Variants in HS3ST4 observed in about 807,000 individuals in gnomAD.
HS3ST4 encodes the protein heparan sulfate glucosamine 3-O-sulfotransferase 4.
In HS3ST4, 17 loss-of-function variants were observed where a neutral mutation model predicts 29.2. That is an observed-to-expected ratio of 0.58 (90% CI 0.40 to 0.87). The LOEUF is 0.87. Ranked by LOEUF, HS3ST4 falls within the 40% of genes least tolerant of loss-of-function variation. The probability of loss-of-function intolerance (pLI) is 0.00; values close to 1 mark genes in which losing one functional copy is unlikely to be tolerated. For missense variants in HS3ST4, 627 were observed against 634.5 expected, an observed-to-expected ratio of 0.99 and a Z score of 0.13; for synonymous variants, 314 against 285.7, an observed-to-expected ratio of 1.10 and a Z score of -1.00.
At chr16:25,903,318 A>ATTATATACATATGTATATGTATATG (rs1968139135) in intron 1 of HS3ST4, among the ~76,000 whole-genome samples, 10 of 112,700 alleles carry the variant, frequency 8.9e-5, no homozygotes, top group Non-Finnish European at 1.5e-4. Flanking sequence ...ATATGTATAT[A>ATTATATACATATGTATATGTATATG]TTATATATAT....
intron 1 of HS3ST4, among the ~76,000 whole-genome samples, chr16:25,757,902 A>G (rs1002503395): frequency 1.3e-5 from 2 of 152,100 alleles, no homozygotes; most frequent in African/African-American, 4.8e-5. Flanking sequence ...GTAAACATTT[A>G]GAATTTATGT....
chr16:25,720,965 C>T (rs986541458), intron 1 of HS3ST4, among the ~76,000 whole-genome samples: 2 of 152,196 alleles, frequency 1.3e-5, no homozygotes, highest in African/African-American at 4.8e-5. Context: ...GAGTCATCTT[C>T]TAGAGCTGGG....
chr16:25,919,732 T>C (rs1426196416), intron 1 of HS3ST4, among the ~76,000 whole-genome samples: 1 of 152,112 alleles, frequency 6.6e-6, no homozygotes, highest in Admixed American at 6.6e-5. Context: ...CAAGATAGTG[T>C]TTAAAAAGAA....
intron 1 of HS3ST4, among the ~76,000 whole-genome samples, chr16:26,135,197 C>T (rs1402418416): frequency 5.9e-5 from 9 of 152,260 alleles, no homozygotes; most frequent in African/African-American, 2.2e-4. Flanking sequence ...TTATTGAACT[C>T]TTACACATGC....
At chr16:26,134,065 G>A (rs1898246168) in intron 1 of HS3ST4, among the ~76,000 whole-genome samples, 1 of 152,108 alleles carries the variant, frequency 6.6e-6, no homozygotes, top group Non-Finnish European at 1.5e-5. Context: ...ATTGAGATTA[G>A]GGGAAAATGG....
At chr16:25,904,676 G>T (rs949291707) in intron 1 of HS3ST4, among the ~76,000 whole-genome samples, 1 of 152,088 alleles carries the variant, frequency 6.6e-6, no homozygotes, top group Non-Finnish European at 1.5e-5. Flanking sequence ...TCAAGAGAAA[G>T]AATTTTGAGA....
intron 1 of HS3ST4, among the ~76,000 whole-genome samples, chr16:25,908,439 T>G (rs573833732): frequency 6.6e-6 from 1 of 152,196 alleles, no homozygotes; most frequent in African/African-American, 2.4e-5. Context: ...CAAGTCATGA[T>G]TGAACATCTG....
At chr16:25,846,683 A>G (rs1294285687) in intron 1 of HS3ST4, among the ~76,000 whole-genome samples, 3 of 152,128 alleles carry the variant, frequency 2.0e-5, no homozygotes, top group Non-Finnish European at 4.4e-5. Flanking sequence ...TCTTTCTATA[A>G]CAGAAAATTA....
At chr16:25,738,629 G>A (rs1348812236) in intron 1 of HS3ST4, among the ~76,000 whole-genome samples, 1 of 152,184 alleles carries the variant, frequency 6.6e-6, no homozygotes, top group Non-Finnish European at 1.5e-5. Context: ...TCAAGTGACA[G>A]TAGCATCCCT....
intron 1 of HS3ST4, among the ~76,000 whole-genome samples, chr16:25,741,394 G>C (rs1021094628): frequency 7.8e-5 from 10 of 127,996 alleles, no homozygotes; most frequent in East Asian, 5.3e-4. Flanking sequence ...AAAAAAAGGC[G>C]GGGGGAGGAG....
chr16:26,011,828 G>C (rs549928793), intron 1 of HS3ST4, among the ~76,000 whole-genome samples: 1 of 151,954 alleles, frequency 6.6e-6, no homozygotes, highest in East Asian at 1.9e-4. Context: ...TAATCTATTA[G>C]GAATACTAGG....
intron 1 of HS3ST4, among the ~76,000 whole-genome samples, chr16:25,913,933 A>ATG (rs937337921): frequency 2.0e-5 from 3 of 149,528 alleles, no homozygotes; most frequent in Non-Finnish European, 4.5e-5. Context: ...GGGAGAGGCT[A>ATG]TGTGTGTGTG....
At chr16:25,846,587 A>C (rs987906612) in intron 1 of HS3ST4, among the ~76,000 whole-genome samples, 1 of 151,772 alleles carries the variant, frequency 6.6e-6, no homozygotes, top group African/African-American at 2.4e-5. Flanking sequence ...TCAATATCTT[A>C]AGTTTGTAGT....
At chr16:25,857,907 C>CCTTTCTTT (rs1469063217) in intron 1 of HS3ST4, among the ~76,000 whole-genome samples, 1 of 55,964 alleles carries the variant, frequency 1.8e-5, no homozygotes, top group Non-Finnish European at 3.7e-5. Flanking sequence ...TTTCTTCCTT[C>CCTTTCTTT]CTTCCTTCCT....
intron 1 of HS3ST4, among the ~76,000 whole-genome samples, chr16:25,837,386 A>G (rs1967367289): frequency 6.6e-6 from 1 of 152,232 alleles, no homozygotes; most frequent in African/African-American, 2.4e-5. Flanking sequence ...AATATGTGAA[A>G]AAAATGATGA....
chr16:26,134,201 C>T (rs1037932418), intron 1 of HS3ST4, among the ~76,000 whole-genome samples: 2 of 151,968 alleles, frequency 1.3e-5, no homozygotes, highest in Admixed American at 6.6e-5. Context: ...GAGATACTGA[C>T]CCTGGTATGG....
intron 1 of HS3ST4, among the ~76,000 whole-genome samples, chr16:25,843,262 G>A (rs1367236926): frequency 2.0e-5 from 3 of 152,140 alleles, no homozygotes; most frequent in Non-Finnish European, 2.9e-5. Context: ...GCAGACAGAC[G>A]ATGCTATCAA....
chr16:25,788,616 C>T (rs1244645504), intron 1 of HS3ST4, among the ~76,000 whole-genome samples: 1 of 140,420 alleles, frequency 7.1e-6, no homozygotes, highest in East Asian at 2.1e-4. Context: ...TCCTAGCTCA[C>T]TGCAGCCTCA....
chr16:25,825,633 C>G (rs1284099008), intron 1 of HS3ST4: 5 of 152,202 alleles, frequency 3.3e-5, no homozygotes, highest in African/African-American at 1.2e-4. Context: ...GGAACCCACT[C>G]AACAGCATTG....
Sources: allele counts gnomAD v4.1 joint callset (sites outside exome capture counted in the v4.1 genomes callset), GRCh38; gene constraint gnomAD v4.1.1; transcripts MANE v1.5; gene names NCBI Gene and HGNC (gene_info 2026-07-23, HGNC 2026-07-21).